Variants in CALN1 observed in about 807,000 individuals in gnomAD.
The protein encoded by CALN1 is calcium-binding protein 8.
A neutral mutation model predicts 30.6 loss-of-function variants in CALN1; 17 were observed. The ratio of observed to expected loss-of-function variants is 0.56; its 90% CI spans 0.38 to 0.83. CALN1 has a LOEUF of 0.83. Ranked by LOEUF, CALN1 falls within the 40% of genes least tolerant of loss-of-function variation. CALN1 has a pLI of 0.00. For synonymous variants in CALN1, 156 were observed against 131.4 expected, an observed-to-expected ratio of 1.19 and a Z score of -1.28; for missense variants, 291 against 354.9, an observed-to-expected ratio of 0.82 and a Z score of 1.45.
chr7:71,908,947 T>G (rs1449676705), intron 5 of CALN1, among the ~76,000 whole-genome samples: 2 of 152,236 alleles, frequency 1.3e-5, no homozygotes, highest in African/African-American at 4.8e-5. Flanking sequence ...TATTGAGCAC[T>G]TCAATGTTTG....
At chr7:72,014,302 G>T (rs12666891) in intron 5 of CALN1, among the ~76,000 whole-genome samples, 21,776 of 151,952 alleles carry the variant, frequency 0.14, 2,466 homozygotes, top group East Asian at 0.34. Flanking sequence ...GGCCAGGCTG[G>T]TCTCAAACTC....
intron 3 of CALN1, among the ~76,000 whole-genome samples, chr7:72,206,495 A>C (rs1473460669): frequency 2.0e-5 from 3 of 152,192 alleles, no homozygotes; most frequent in African/African-American, 7.2e-5. Flanking sequence ...CTACTCTTTG[A>C]AATTTTGCCA....
At chr7:72,460,854 A>T in the CALN1 span, among the ~76,000 whole-genome samples, 1 of 151,976 alleles carries the variant, frequency 6.6e-6, no homozygotes, top group South Asian at 2.1e-4. Context: ...TGCCCCCTAT[A>T]GAGGTTTTGC....
intron 6 of CALN1, among the ~76,000 whole-genome samples, chr7:71,809,465 A>AAAAAAAAC (rs1491131238): frequency 7.4e-4 from 1 of 1,356 alleles, no homozygotes; most frequent in Admixed American, 9.4e-3. Flanking sequence ...TTAAATGTTC[A>AAAAAAAAC]AAAAAAAAAA....
At chr7:72,417,996 A>G (rs1409736537) in intron 1 of CALN1, among the ~76,000 whole-genome samples, 1 of 152,192 alleles carries the variant, frequency 6.6e-6, no homozygotes, top group Non-Finnish European at 1.5e-5. Flanking sequence ...CAGAAGGTAC[A>G]TGTGCCGGTT....
chr7:72,436,588 G>A (rs1308740867), intron 1 of CALN1, among the ~76,000 whole-genome samples: 4 of 151,778 alleles, frequency 2.6e-5, no homozygotes, highest in Non-Finnish European at 5.9e-5. Flanking sequence ...CCTGGCAGCT[G>A]GCCACCTACA....
In CALN1 at chr7:72,363,509, G is replaced by C. The variant is rs557572430; in HGVS notation, c.119+39742C>G. On this transcript the variant is annotated intron_variant, in intron 2 of 6. Transcript: ENST00000395275. ...CTGCCTTGGCTGCCCATAGTGTTGG[G>C]ATTACAGGTGTGAGCCACTGCACCT... 5.9e-5 allele frequency among the ~76,000 whole-genome samples: 9 copies of C among 152,170 alleles called. No individual in the cohort carries two copies. The South Asian group carries it at 1.9e-3, about 32-fold the overall frequency.
In CALN1 at chr7:71,971,993, G is replaced by GAAAGAAAGAAAGAAAGAAAAAA. The variant is rs373873170; in HGVS notation, c.501+51663_501+51664insTTTTTTCTTTCTTTCTTTCTTT. 7.0e-5 allele frequency among the ~76,000 whole-genome samples: 6 copies of GAAAGAAAGAAAGAAAGAAAAAA among 85,686 alleles called. No homozygotes were observed. In the East Asian group the frequency reaches 2.2e-3, roughly 32 times the overall value. 56.2% of individuals were successfully genotyped at this position (85,686 alleles called of 152,430 possible). On this transcript the variant is annotated intron_variant, in intron 5 of 6. Coordinates refer to ENST00000395275, the MANE Select transcript of CALN1 (RefSeq NM_031468.4). Reference sequence around the variant, plus strand: ...AGAAAGAAAGAAAGAAAGAAAGAAAGAGAAAGAAAGAAAAAAAGAAAGAAA... The same window carrying GAAAGAAAGAAAGAAAGAAAAAA: ...AGAAAGAAAGAAAGAAAGAAAGAAAGAAAGAAAGAAAGAAAGAAAAAAAGAAAGAAAGAAAAAAAGAAAGAAA...
chr7:72,051,961 C>CTAT (rs1169891455), intron 4 of CALN1, among the ~76,000 whole-genome samples: 1 of 152,206 alleles, frequency 6.6e-6, no homozygotes, highest in Admixed American at 6.5e-5. Flanking sequence ...TTTCCATTAA[C>CTAT]ATAAGCAATG....
chr7:72,136,171 A>ATAAATAAATAAATAAT, intron 3 of CALN1, among the ~76,000 whole-genome samples: 1 of 151,966 alleles, frequency 6.6e-6, no homozygotes, highest in South Asian at 2.1e-4. Context: ...AAATAAATAA[A>ATAAATAAATAAATAAT]GGGCTGGTTT....
At chr7:72,348,184 T>C (rs1200356569) in intron 2 of CALN1, among the ~76,000 whole-genome samples, 1 of 152,182 alleles carries the variant, frequency 6.6e-6, no homozygotes, top group Admixed American at 6.5e-5. Flanking sequence ...AGTAAGTTAG[T>C]TTCCTTCCCA....
chr7:72,330,768 C>CTA (rs1257668278), intron 2 of CALN1, among the ~76,000 whole-genome samples: 1 of 152,122 alleles, frequency 6.6e-6, no homozygotes, highest in South Asian at 2.1e-4. Context: ...CAGCACAGTC[C>CTA]CTTAATGAGG....
intron 4 of CALN1, among the ~76,000 whole-genome samples, chr7:72,066,327 G>T (rs1804019968): frequency 6.6e-6 from 1 of 152,168 alleles, no homozygotes; most frequent in Non-Finnish European, 1.5e-5. Context: ...CTTCCTTTGG[G>T]CATAATTATT....
At chr7:72,238,731 G>C (rs1233055622) in intron 3 of CALN1, among the ~76,000 whole-genome samples, 1 of 152,166 alleles carries the variant, frequency 6.6e-6, no homozygotes, top group African/African-American at 2.4e-5. Flanking sequence ...ACGTGAAGAA[G>C]GGCATGTTTG....
intron 4 of CALN1, among the ~76,000 whole-genome samples, chr7:72,090,139 A>AC (rs1288437189): frequency 2.0e-5 from 3 of 152,116 alleles, no homozygotes; most frequent in African/African-American, 7.2e-5. Flanking sequence ...GTCTACTAAA[A>AC]AAAAGTACAA....
chr7:72,209,241 TTTCCTTCCCTCC>T (rs1792162882), intron 3 of CALN1, among the ~76,000 whole-genome samples: 6 of 12,034 alleles, frequency 5.0e-4, no homozygotes, highest in Admixed American at 2.7e-3. Flanking sequence ...TCCTTCCCTC[TTTCCTTCCCTCC>T]TTCCCTCTTT....
At chr7:72,422,765 ATCTCTTACATGAACTCTCATGG>A (rs1472129487) in intron 1 of CALN1, among the ~76,000 whole-genome samples, 1 of 152,006 alleles carries the variant, frequency 6.6e-6, no homozygotes, top group African/African-American at 2.4e-5. Context: ...TCTTGGCTTT[ATCTCTTACATGAACTCTCATGG>A]TGTCATTTTG....
intron 3 of CALN1, among the ~76,000 whole-genome samples, chr7:72,275,485 A>G (rs1391030949): frequency 6.6e-6 from 1 of 152,184 alleles, no homozygotes; most frequent in Non-Finnish European, 1.5e-5. Flanking sequence ...GATGCTTGTA[A>G]TAAACCAGGA....
intron 5 of CALN1, among the ~76,000 whole-genome samples, chr7:71,979,677 G>A (rs1202688717): frequency 6.6e-6 from 1 of 151,980 alleles, no homozygotes; most frequent in Non-Finnish European, 1.5e-5. Context: ...GGGGGTTGGG[G>A]ACCCCTGCTC....
Sources: gnomAD v4.1 joint callset for allele counts (sites outside exome capture counted in the v4.1 genomes callset) on GRCh38, gnomAD v4.1.1 for gene constraint, MANE v1.5 for transcripts, NCBI Gene and HGNC (gene_info 2026-07-23, HGNC 2026-07-21) for gene names.